ADNP: variants seen among roughly 807,000 people sequenced by gnomAD.
ADNP encodes activity dependent neuroprotector homeobox, also known as activity-dependent neuroprotector homeobox protein.
Under a neutral mutation model 84.9 loss-of-function variants are expected in ADNP, and 4 were observed. The ratio of observed to expected loss-of-function variants is 0.05; its 90% CI spans 0.02 to 0.11. The LOEUF is 0.11. ADNP is among the 10% of genes least tolerant of loss of function. ADNP has a pLI of 1.00. For synonymous variants in ADNP, 554 were observed against 468.1 expected (o/e 1.18, Z -2.37); for missense variants, 1,132 against 1,326.0 (o/e 0.85, Z 2.27).
intron 5 of ADNP, among the ~76,000 whole-genome samples, chr20:50,896,212 G>A (rs112634133): frequency 0.036 from 5,496 of 152,092 alleles, 224 homozygotes; most frequent in African/African-American, 0.088. Context: ...GCAACACAGC[G>A]AGACTCCGTC....
chr20:50,903,921 T>C lies in ADNP; in HGVS notation c.76A>G (p.Ile26Val). The stretch of plus-strand genomic sequence containing the variant: ...TGTTCTTTACAGTATTCCAACCCAA[T>C]GTCACTAAGTATTTTTTTCACAGTT... ...RKTVKKILSD[I>V]GLEYCKEHIE... The change falls in exon 4 of 6, where the codon ATT (isoleucine) becomes GTT (valine). Residue 26 changes from isoleucine (I) to valine (V), a missense_variant. Around this residue, in one of 10 missense-constraint regions of ADNP, gnomAD observed 56 missense variants for 94.6 expected, o/e 0.59. Transcript: ENST00000621696. 6.2e-7 allele frequency: 1 copy of C among 1,613,976 alleles called. No individual in the cohort carries two copies. The highest frequency in any genetic ancestry group is 8.5e-7 in the Non-Finnish European group (1 of 1,179,924).
chr20:50,922,384 A>AC (rs1321767273), intron 2 of ADNP, among the ~76,000 whole-genome samples: 5 of 151,988 alleles, frequency 3.3e-5, no homozygotes, highest in Non-Finnish European at 5.9e-5. Flanking sequence ...GGTTCCCAAG[A>AC]CCCCCTCCTT....
intron 2 of ADNP, among the ~76,000 whole-genome samples, chr20:50,917,804 G>T (rs1983628820): frequency 6.6e-6 from 1 of 152,080 alleles, no homozygotes; most frequent in Non-Finnish European, 1.5e-5. Flanking sequence ...CCCCAAAATA[G>T]GAACAACTGA....
chr20:50,925,337 AAT>A (rs1288088528), intron 2 of ADNP, among the ~76,000 whole-genome samples: 2 of 151,976 alleles, frequency 1.3e-5, no homozygotes, highest in Non-Finnish European at 2.9e-5. Flanking sequence ...GAAGCATGAT[AAT>A]ATGTGAGGAG....
intron 2 of ADNP, among the ~76,000 whole-genome samples, chr20:50,908,540 C>T (rs1450232354): frequency 1.3e-5 from 2 of 152,080 alleles, no homozygotes; most frequent in African/African-American, 4.8e-5. Flanking sequence ...TTTGGGAGGC[C>T]AAGGCGGGCG....
intron 4 of ADNP, among the ~76,000 whole-genome samples, chr20:50,902,943 G>A: frequency 6.6e-6 from 1 of 152,224 alleles, no homozygotes; most frequent in East Asian, 1.9e-4. Context: ...GACTAGAGAA[G>A]TCAACTTTTG....
At chr20:50,920,854 T>TATAAC (rs943664590) in intron 2 of ADNP, among the ~76,000 whole-genome samples, 5 of 152,204 alleles carry the variant, frequency 3.3e-5, no homozygotes, top group South Asian at 4.1e-4. Context: ...ATTTGTACCT[T>TATAAC]ATAACTTCAA....
chr20:50,893,628 T>C lies in ADNP; in HGVS notation c.1086A>G (p.Gln362=), dbSNP rs1267484832. 11 of 1,614,032 alleles carry C rather than the reference T, an allele frequency of 6.8e-6. No homozygotes were observed. Among genetic ancestry groups the C allele is most frequent in the Admixed American group, 3.3e-5 (2 of 60,000 alleles). The change falls in exon 6 of 6, where the codon CAA becomes CAG. Residue 362 remains glutamine, a synonymous_variant. Coordinates refer to ENST00000621696, the MANE Select transcript of ADNP (RefSeq NM_001282531.3). This position sits in a 1 kb window ranked among gnomAD's most constrained non-coding sequence, Gnocchi z 4.4. ...GAAGTAACTGCTTTACAGACTGAGA[T>C]TGTTGAGGAATGGAAACTGGTGCGT... ...GGNAPVSIPQ[Q]SQSVKQLLPS...
intron 2 of ADNP, among the ~76,000 whole-genome samples, chr20:50,908,247 A>T (rs1408838020): frequency 6.8e-6 from 1 of 146,530 alleles, no homozygotes; most frequent in Non-Finnish European, 1.5e-5. Context: ...TCTCACTCTT[A>T]TCCCTCCAGC....
intron 5 of ADNP, among the ~76,000 whole-genome samples, chr20:50,901,085 G>C (rs972101581): frequency 6.6e-6 from 1 of 152,090 alleles, no homozygotes; most frequent in Non-Finnish European, 1.5e-5. Flanking sequence ...CTTTGATGAA[G>C]GCAGGTGAAC....
chr20:50,928,605 C>T (rs985563287), intron 2 of ADNP, 46 bp downstream of exon 2: 1 of 152,192 alleles, frequency 6.6e-6, no homozygotes, highest in South Asian at 2.1e-4. Flanking sequence ...AAGTCTCTGG[C>T]TTCCCTGTTG....
At chr20:50,916,158 G>A (rs1983493805) in intron 2 of ADNP, among the ~76,000 whole-genome samples, 2 of 152,150 alleles carry the variant, frequency 1.3e-5, no homozygotes, top group Non-Finnish European at 2.9e-5. Context: ...CAAGGCGAAA[G>A]ATGGTATTTA....
rs191181811 is a variant in ADNP, at chr20:50,925,829, G to A, written c.-90+2822C>T. On this transcript the variant is annotated intron_variant, in intron 2 of 5. Transcript: ENST00000621696. Reference sequence around the variant, plus strand: ...CAAAACTAGGAGAGGGGCTGGGAGCGGTGGCTCACGCCTATAATCCCAGCA... The same window carrying A: ...CAAAACTAGGAGAGGGGCTGGGAGCAGTGGCTCACGCCTATAATCCCAGCA... Among the ~76,000 whole-genome samples the A allele has an allele frequency of 1.6e-3, 238 of 152,334 alleles. 1 individual carries two copies. Among genetic ancestry groups the A allele is most frequent in the African/African-American group, 5.3e-3 (222 of 41,576 alleles).
intron 2 of ADNP, among the ~76,000 whole-genome samples, chr20:50,927,986 T>C (rs1018250873): frequency 1.3e-5 from 2 of 152,250 alleles, no homozygotes; most frequent in Non-Finnish European, 2.9e-5. Context: ...ACAAATACTA[T>C]ACAGTATTTA....
chr20:50,894,319 T>C lies in ADNP; in HGVS notation c.395A>G (p.Asn132Ser), dbSNP rs1251827956. ...GAGGCTGCTACTTGGTGCGCTGGCG[T>C]TCGGAGCATGAAATATTTTAATGTG... Reference protein sequence around the residue: ...ETHIKIFHAPNASAPSSSLST... With the variant: ...ETHIKIFHAPSASAPSSSLST... The change falls in exon 6 of 6, where the codon AAC (asparagine) becomes AGC (serine). Residue 132 changes from asparagine (N) to serine (S), a missense_variant. Around this residue, in one of 10 missense-constraint regions of ADNP, gnomAD observed 130 missense variants for 183.7 expected, o/e 0.71. Transcript: ENST00000621696. 1 of 1,613,724 alleles carries C rather than the reference T, an allele frequency of 6.2e-7. No individual in the cohort carries two copies. The highest frequency in any genetic ancestry group is 1.1e-5 in the South Asian group (1 of 90,962).
At position 50,898,326 on chromosome 20, in the gene ADNP, C is replaced by T. The variant is rs572298014; in HGVS notation, c.201+3691G>A. 4.6e-5 allele frequency among the ~76,000 whole-genome samples: 7 copies of T among 152,280 alleles called. 1 individual carries two copies. Among genetic ancestry groups the T allele is most frequent in the South Asian group, 2.1e-4 (1 of 4,806 alleles). On this transcript the variant is annotated intron_variant, in intron 5 of 5. Transcript: ENST00000621696. ...CTAGCAGTCAATTCAACATCACAGC[C>T]AGGTCCAGCCTTTTCTTTCAACACC...
In ADNP at chr20:50,892,160, T is replaced by C. The variant is rs776007948; in HGVS notation, c.2554A>G (p.Lys852Glu). 3.5e-5 allele frequency: 57 copies of C among 1,614,016 alleles called. 1 individual carries two copies. The highest frequency in any genetic ancestry group is 3.3e-4 in the Middle Eastern group (2 of 6,084). ...AEWLFENHDE[K>E]DSRVNASKTA... is the part of the protein sequence containing the mutation. Reference sequence around the variant, plus strand: ...TTACTAGCATTGACTCTGGAATCCTTCTCATCATGATTTTCAAATAGCCAC... The same window carrying C: ...TTACTAGCATTGACTCTGGAATCCTCCTCATCATGATTTTCAAATAGCCAC... Residue 852 changes from lysine (K) to glutamate (E), a missense_variant, in exon 6 of 6, where the codon AAG (lysine) becomes GAG (glutamate). By Grantham distance (56) the Lys-to-Glu change is moderately conservative. Coordinates refer to ENST00000621696, the MANE Select transcript of ADNP (RefSeq NM_001282531.3).
intron 2 of ADNP, chr20:50,909,372 A>C (rs1210528779): frequency 7.9e-6 from 1 of 126,636 alleles, no homozygotes; most frequent in African/African-American, 3.1e-5. Context: ...TCAAAAAAAA[A>C]AAAAAAAAAA....
chr20:50,892,173 T>G lies in ADNP; in HGVS notation c.2541A>C (p.Glu847Asp), dbSNP rs149795234. The change falls in exon 6 of 6, where the codon GAA becomes GAC. Residue 847 changes from glutamate (E) to aspartate (D), a missense_variant. Glu to Asp is a conservative substitution (Grantham distance 45). Around this residue, in one of 10 missense-constraint regions of ADNP, gnomAD observed 381 missense variants for 319.9 expected, o/e 1.19. Coordinates refer to ENST00000621696, the MANE Select transcript of ADNP (RefSeq NM_001282531.3). ...EMDFDAEWLF[E>D]NHDEKDSRVN... ...CTCTGGAATCCTTCTCATCATGATT[T>G]TCAAATAGCCACTCAGCATCAAAAT... The G allele has an allele frequency of 1.2e-6, 2 of 1,614,194 alleles. No individual in the cohort carries two copies. The highest frequency in any genetic ancestry group is 1.7e-6 in the Non-Finnish European group (2 of 1,180,040).
Sources: gnomAD v4.1 joint callset for allele counts (sites outside exome capture counted in the v4.1 genomes callset) on GRCh38, gnomAD v4.1.1 for gene constraint, gnomAD v4.1.1 regional missense constraint, Gnocchi (gnomAD v3.1) non-coding constraint, MANE v1.5 for transcripts, NCBI Gene and HGNC (gene_info 2026-07-23, HGNC 2026-07-21) for gene names.